Variants in ARHGAP39 observed in about 807,000 individuals in gnomAD.
ARHGAP39 encodes rho GTPase-activating protein 39.
ARHGAP39 carries 44 observed loss-of-function variants against 106.9 expected under a neutral mutation model. That is an observed-to-expected ratio of 0.41 (90% confidence interval 0.32 to 0.53). The LOEUF is 0.53. Ranked by LOEUF, ARHGAP39 falls within the 20% of genes least tolerant of loss-of-function variation. ARHGAP39 has a pLI of 0.21. For synonymous variants in ARHGAP39, 768 were observed against 693.2 expected (o/e 1.11, Z -1.69); for missense variants, 1,496 against 1,577.3 (o/e 0.95, Z 0.87).
intron 1 of ARHGAP39, among the ~76,000 whole-genome samples, chr8:144,668,787 A>C (rs1022883543): frequency 6.6e-6 from 1 of 152,222 alleles, no homozygotes; most frequent in Non-Finnish European, 1.5e-5. Flanking sequence ...TTGCTGAAAA[A>C]AAACAATGAG....
chr8:144,605,450 A>C (rs1270995933), intron 2 of ARHGAP39, 85 bp downstream of exon 2: 2 of 1,409,298 alleles, frequency 1.4e-6, no homozygotes. Flanking sequence ...AGAATCCTGC[A>C]TGCACACTGC....
Position 144,655,000 on chromosome 8 carries a change from C to T in ARHGAP39, c.-82+30686G>A, listed in dbSNP as rs1164714891. ...TTGGGGGCCCAGGAAGGCCCCTCAC[C>T]CTTGCAGACTCAGAAGTGCTCAGTC... On this transcript the variant is annotated intron_variant, in intron 1 of 11. Coordinates refer to ENST00000377307, the MANE Select transcript of ARHGAP39 (RefSeq NM_025251.3). Among the ~76,000 whole-genome samples the T allele has an allele frequency of 9.9e-5, 15 of 152,192 alleles. No homozygotes were observed. In the South Asian group the frequency reaches 2.7e-3, roughly 27 times the overall value.
chr8:144,548,623 C>G lies in ARHGAP39; in HGVS notation c.597-134G>C. 7.9e-7 allele frequency: 1 copy of G among 1,272,042 alleles called. No homozygotes were observed. Among genetic ancestry groups the G allele is most frequent in the Non-Finnish European group, 1.1e-6 (1 of 950,464 alleles). 78.8% of individuals were successfully genotyped at this position (1,272,042 alleles called of 1,614,324 possible). Reference sequence around the variant, plus strand: ...ACCTTCCTCGCTGGGGCCCTGTGGCCTGGCGCCCCTCACACCTGCCTTGCC... The same window carrying G: ...ACCTTCCTCGCTGGGGCCCTGTGGCGTGGCGCCCCTCACACCTGCCTTGCC... On this transcript the variant is annotated intron_variant, in intron 4 of 11. Coordinates refer to ENST00000377307, the MANE Select transcript of ARHGAP39 (RefSeq NM_025251.3). This position sits in a 1 kb window ranked among gnomAD's most constrained non-coding sequence, Gnocchi z 7.4.
At chr8:144,601,328 G>A (rs111206473) in intron 2 of ARHGAP39, among the ~76,000 whole-genome samples, 3,765 of 141,740 alleles carry the variant, frequency 0.027, 194 homozygotes, top group African/African-American at 0.095. Flanking sequence ...GTGTGGAGGC[G>A]TGTGTGTGCT....
upstream of ARHGAP39, among the ~76,000 whole-genome samples, chr8:144,690,425 G>A (rs114126226): frequency 3.8e-3 from 572 of 152,056 alleles, 3 homozygotes; most frequent in African/African-American, 0.013. Context: ...CATTCCCACC[G>A]ACAGTGCATA....
intron 1 of ARHGAP39, among the ~76,000 whole-genome samples, chr8:144,652,747 G>C (rs1157251336): frequency 6.6e-6 from 1 of 152,048 alleles, no homozygotes; most frequent in Non-Finnish European, 1.5e-5. Flanking sequence ...GCGGACACTA[G>C]GGTCTACCTG....
At chr8:144,688,105 CTTTTTT>C (rs201473241), upstream of ARHGAP39, among the ~76,000 whole-genome samples, 4 of 140,254 alleles carry the variant, frequency 2.9e-5, no homozygotes, top group Non-Finnish European at 6.2e-5. Context: ...ACATTTAACT[CTTTTTT>C]TTTTTTTTTT....
intron 1 of ARHGAP39, among the ~76,000 whole-genome samples, chr8:144,663,488 T>A (rs1212467030): frequency 1.3e-5 from 2 of 152,016 alleles, no homozygotes; most frequent in Non-Finnish European, 2.9e-5. Flanking sequence ...CCACCCCATG[T>A]CTCCAACGCC....
At chr8:144,533,831 G>C (rs192482634) in intron 8 of ARHGAP39, among the ~76,000 whole-genome samples, 1 of 152,316 alleles carries the variant, frequency 6.6e-6, no homozygotes, top group African/African-American at 2.4e-5. Context: ...AAGGGGCCAG[G>C]CTCTTGGGAC....
At chr8:144,651,451 C>G (rs1480982769) in intron 1 of ARHGAP39, among the ~76,000 whole-genome samples, 1 of 152,118 alleles carries the variant, frequency 6.6e-6, no homozygotes, top group African/African-American at 2.4e-5. Flanking sequence ...GCCTGTAATC[C>G]TAGCATGTTG....
At chr8:144,537,284 GAAC>G (rs1816995675) in intron 7 of ARHGAP39, among the ~76,000 whole-genome samples, 1 of 152,142 alleles carries the variant, frequency 6.6e-6, no homozygotes, top group Non-Finnish European at 1.5e-5. Context: ...TGCAGATTCT[GAAC>G]ACCAGGCTTG....
At chr8:144,686,173 C>T (rs941891550), upstream of ARHGAP39, among the ~76,000 whole-genome samples, 1 of 152,138 alleles carries the variant, frequency 6.6e-6, no homozygotes, top group African/African-American at 2.4e-5. Context: ...TCTCAAACCA[C>T]GTTGGGCTTC....
intron 2 of ARHGAP39, among the ~76,000 whole-genome samples, chr8:144,598,551 C>A (rs2130926098): frequency 6.6e-6 from 1 of 152,354 alleles, no homozygotes. Context: ...CCTCACAGAG[C>A]ACAGGCAGCC....
intron 1 of ARHGAP39, among the ~76,000 whole-genome samples, chr8:144,607,395 A>ATGGC (rs1304194075): frequency 6.6e-6 from 1 of 152,214 alleles, no homozygotes; most frequent in Non-Finnish European, 1.5e-5. Context: ...CCACGGCTGT[A>ATGGC]TGGCTGCTCC....
intron 3 of ARHGAP39, among the ~76,000 whole-genome samples, chr8:144,578,317 C>T (rs961672541): frequency 2.0e-5 from 3 of 152,118 alleles, no homozygotes; most frequent in South Asian, 2.1e-4. Flanking sequence ...CAACCTCCAC[C>T]TCCTGGCTTC....
chr8:144,628,921 C>T lies in ARHGAP39; in HGVS notation c.-81-23226G>A, dbSNP rs569853216. Among the ~76,000 whole-genome samples the T allele has an allele frequency of 4.6e-5, 7 of 152,298 alleles. No homozygotes were observed. The East Asian group carries it at 7.7e-4, about 17-fold the overall frequency. ...CCACCGAAATCCAGCTTCGCATTGC[C>T]GCACCCCATCACTTTTGCGCCCGGG... On this transcript the variant is annotated intron_variant, in intron 1 of 11. Coordinates refer to ENST00000377307, the MANE Select transcript of ARHGAP39 (RefSeq NM_025251.3).
At chr8:144,552,498 C>T (rs148842631) in intron 4 of ARHGAP39, among the ~76,000 whole-genome samples, 3 of 152,356 alleles carry the variant, frequency 2.0e-5, no homozygotes, top group East Asian at 3.9e-4. Context: ...AGAAACCATA[C>T]GTCTGAAATT....
intron 2 of ARHGAP39, among the ~76,000 whole-genome samples, chr8:144,602,520 ATG>A (rs1260372888): frequency 6.1e-5 from 4 of 66,018 alleles, no homozygotes; most frequent in Non-Finnish European, 1.1e-4. Flanking sequence ...GGAGGCGTGC[ATG>A]TGTGCTCGTG....
intron 1 of ARHGAP39, among the ~76,000 whole-genome samples, chr8:144,676,170 G>A (rs1822233312): frequency 6.6e-6 from 1 of 152,170 alleles, no homozygotes; most frequent in South Asian, 2.1e-4. Flanking sequence ...GCTGGCTTGG[G>A]TGGCCTGCTT....
Sources: gnomAD v4.1 joint callset for allele counts (sites outside exome capture counted in the v4.1 genomes callset) on GRCh38, gnomAD v4.1.1 for gene constraint, Gnocchi (gnomAD v3.1) non-coding constraint, MANE v1.5 for transcripts, NCBI Gene and HGNC (gene_info 2026-07-23, HGNC 2026-07-21) for gene names.